MAU2: variants seen among roughly 807,000 people sequenced by gnomAD.
MAU2 encodes the protein MAU2 sister chromatid cohesion factor, also known as MAU2 chromatid cohesion factor homolog.
A neutral mutation model predicts 89.1 loss-of-function variants in MAU2; 9 were observed. The observed-to-expected ratio is 0.10, with a 90% CI of 0.06 to 0.18. The LOEUF (loss-of-function observed/expected upper bound fraction) is 0.18, where lower values mean the gene tolerates loss of function less well. MAU2 is among the 10% of genes least tolerant of loss of function. The pLI is 1.00. For missense variants in MAU2, 425 were observed against 803.5 expected, an observed-to-expected ratio of 0.53 and a Z score of 5.69; for synonymous variants, 357 against 343.4, an observed-to-expected ratio of 1.04 and a Z score of -0.44.
intron 1 of MAU2, among the ~76,000 whole-genome samples, chr19:19,323,971 G>GT (rs1202948905): frequency 1.3e-5 from 2 of 152,114 alleles, no homozygotes; most frequent in South Asian, 2.1e-4. Flanking sequence ...TTTTGGTGAA[G>GT]TTTTTTTTCC....
At chr19:19,354,501 C>G (rs1395547765) in intron 17 of MAU2, 56 bp downstream of exon 17, 4 of 1,487,904 alleles carry the variant, frequency 2.7e-6, no homozygotes, top group South Asian at 2.3e-5. Context: ...CCCCAGAGAT[C>G]AAGGCTGCTG....
rs1290232059 is a variant in MAU2, at chr19:19,342,524, G to A, written c.736-11G>A. 2 of 1,563,890 alleles carry A rather than the reference G, an allele frequency of 1.3e-6. No homozygotes were observed. The highest frequency in any genetic ancestry group is 8.7e-7 in the Non-Finnish European group (1 of 1,153,564). ...GGCTCAGGTGGATGCTCGGGTGTGG[G>A]TGCTGCACAGGTGAAGAGCGTGAAG... On this transcript the variant is annotated splice_polypyrimidine_tract_variant and intron_variant, in intron 7 of 18. Transcript: ENST00000262815.
Position 19,345,222 on chromosome 19 carries a change from C to T in MAU2, c.1156-82C>T. ...GTCATACTCCTCCAGGGCAGCCGTG[C>T]AGGCCCCGGGCACACCACGTGTCTC... On this transcript the variant is annotated intron_variant, in intron 11 of 18. Coordinates refer to ENST00000262815, the MANE Select transcript of MAU2 (RefSeq NM_015329.4). The surrounding 1 kb of genome is among the most constrained non-coding windows in gnomAD (Gnocchi z 4.9). The T allele has an allele frequency of 7.9e-7, 1 of 1,264,972 alleles. No homozygotes were observed. The highest frequency in any genetic ancestry group is 1.2e-6 in the Non-Finnish European group (1 of 866,902). The allele number at this position is 1,264,972 out of a possible 1,614,324, so 78.4% of individuals were successfully genotyped here.
chr19:19,338,390 G>T (rs1376453262), intron 4 of MAU2, among the ~76,000 whole-genome samples: 1 of 152,210 alleles, frequency 6.6e-6, no homozygotes, highest in Non-Finnish European at 1.5e-5. Flanking sequence ...GTATTGCCTT[G>T]CAGGGTCAAG....
chr19:19,348,845 C>T, intron 13 of MAU2, 44 bp from the exon 14 acceptor site: 1 of 1,608,106 alleles, frequency 6.2e-7, no homozygotes, highest in Non-Finnish European at 8.5e-7. Context: ...GACCTTTCTC[C>T]TGTGAAGATG....
Position 19,320,916 on chromosome 19 carries a change from C to G in MAU2, c.57C>G (p.Ala19=). 3.2e-6 allele frequency: 5 copies of G among 1,557,148 alleles called. No homozygotes were observed. The highest frequency in any genetic ancestry group is 1.4e-5 in the African/African-American group (1 of 72,822). Residue 19 remains alanine, a synonymous_variant, in exon 1 of 19, where the codon GCC becomes GCG. Coordinates refer to ENST00000262815, the MANE Select transcript of MAU2 (RefSeq NM_015329.4). The part of the protein sequence containing the change: ...AQAAAAQAAQ[A]EAADSWYLAL... ...CGGCGGCGGCCCAGGCTGCGCAGGCCGAGGCGGCCGACTCGTGGTACCTGG... is the reference window on the plus strand; with the variant it reads ...CGGCGGCGGCCCAGGCTGCGCAGGCGGAGGCGGCCGACTCGTGGTACCTGG...
At chr19:19,344,166 G>C in intron 10 of MAU2, 1 of 516,440 alleles carries the variant, frequency 1.9e-6, no homozygotes, top group East Asian at 3.5e-5. Flanking sequence ...CATCCCAGCA[G>C]TTTGGGAGGC....
intron 16 of MAU2, chr19:19,352,630 C>G (rs1251625963): frequency 6.6e-6 from 1 of 152,230 alleles, no homozygotes. Context: ...AGCCCCAGAC[C>G]GCAGAATCAG....
intron 1 of MAU2, among the ~76,000 whole-genome samples, chr19:19,329,270 AGTGATCT>A (rs1216199253): frequency 6.6e-6 from 1 of 152,142 alleles, no homozygotes. Context: ...AGTTTCATGA[AGTGATCT>A]GTGCTTCCTC....
chr19:19,354,556 C>T (rs1055190171), intron 17 of MAU2, 111 bp downstream of exon 17: 34 of 924,060 alleles, frequency 3.7e-5, no homozygotes, highest in Admixed American at 1.2e-4. Flanking sequence ...CTCCGTGGGC[C>T]GCAGCCCCAG....
intron 1 of MAU2, among the ~76,000 whole-genome samples, chr19:19,326,558 C>T (rs965452930): frequency 2.7e-5 from 4 of 150,898 alleles, no homozygotes; most frequent in African/African-American, 4.9e-5. Flanking sequence ...TGGTGGCGGG[C>T]GCCTGTAGTC....
chr19:19,322,013 T>TTTTTTTTTTTTTC (rs1286757776), intron 1 of MAU2: 1 of 151,786 alleles, frequency 6.6e-6, no homozygotes, highest in African/African-American at 2.4e-5. Flanking sequence ...TTTTTTTTTT[T>TTTTTTTTTTTTTC]TTGAGACGGA....
At chr19:19,323,650 G>C (rs2061482597) in intron 1 of MAU2, among the ~76,000 whole-genome samples, 1 of 151,986 alleles carries the variant, frequency 6.6e-6, no homozygotes, top group Admixed American at 6.6e-5. Context: ...GGGACCACAG[G>C]TACGCACCAC....
chr19:19,347,405 G>T (rs761157017), intron 13 of MAU2, 39 bp downstream of exon 13: 1 of 1,525,748 alleles, frequency 6.6e-7, no homozygotes, highest in South Asian at 1.1e-5. Context: ...CTTTCTCTCT[G>T]TTCTCTTCTT....
intron 10 of MAU2, chr19:19,344,480 T>C (rs1286733702): frequency 1.6e-5 from 5 of 321,578 alleles, no homozygotes; most frequent in East Asian, 6.1e-5. Flanking sequence ...ATAGCGCACA[T>C]GGTCTCTGGG....
intron 16 of MAU2, chr19:19,353,099 G>A (rs1169781384): frequency 6.6e-6 from 1 of 152,314 alleles, no homozygotes; most frequent in East Asian, 1.9e-4. Flanking sequence ...GCTCAGGTGA[G>A]GGTCCAGGGG....
chr19:19,356,204 C>T lies in MAU2; in HGVS notation c.*422C>T. The stretch of plus-strand genomic sequence containing the variant: ...GATGCCGAGCGGGAGTAGAGTGTTT[C>T]CTCTGCTCAAGGCAATTTCCAGAGC... On this transcript the variant is annotated 3_prime_UTR_variant, in exon 19 of 19. Coordinates refer to ENST00000262815, the MANE Select transcript of MAU2 (RefSeq NM_015329.4). 2 of 368,510 alleles carry T rather than the reference C, an allele frequency of 5.4e-6. No homozygotes were observed. The highest frequency in any genetic ancestry group is 1.1e-5 in the Non-Finnish European group (2 of 186,336). 22.8% of individuals were successfully genotyped at this position (368,510 alleles called of 1,614,324 possible). A position where few individuals can be genotyped will look rare whatever the true frequency, so the allele number is the denominator to read the frequency against.
chr19:19,334,507 A>G (rs2061580864), intron 1 of MAU2: 3 of 985,874 alleles, frequency 3.0e-6, no homozygotes, highest in South Asian at 9.4e-5. Context: ...GGCTGCCCCC[A>G]GCCGTGGATC....
At chr19:19,344,020 C>A in intron 10 of MAU2, 80 bp downstream of exon 10, 1 of 1,132,286 alleles carries the variant, frequency 8.8e-7, no homozygotes, top group Non-Finnish European at 1.3e-6. Context: ...ACTGAATTCG[C>A]CAAGTGCATA....
Sources: gnomAD v4.1 joint callset for allele counts (sites outside exome capture counted in the v4.1 genomes callset) on GRCh38, gnomAD v4.1.1 for gene constraint, Gnocchi (gnomAD v3.1) non-coding constraint, MANE v1.5 for transcripts, NCBI Gene and HGNC (gene_info 2026-07-23, HGNC 2026-07-21) for gene names.